Variants in ZFAND3 observed in about 807,000 individuals in gnomAD.
The protein encoded by ZFAND3 is AN1-type zinc finger protein 3.
In ZFAND3, 10 loss-of-function variants were observed where a neutral mutation model predicts 29.6. The ratio of observed to expected loss-of-function variants is 0.34; its 90% CI spans 0.21 to 0.57. The LOEUF (loss-of-function observed/expected upper bound fraction) is 0.57. Ranked by LOEUF, ZFAND3 falls within the 20% of genes least tolerant of loss-of-function variation. The probability of loss-of-function intolerance (pLI) is 0.86; values close to 1 mark genes in which losing one functional copy is unlikely to be tolerated. For missense variants in ZFAND3, 230 were observed against 304.5 expected (o/e 0.76, Z 1.82); for synonymous variants, 128 against 112.6 (o/e 1.14, Z -0.87).
intron 2 of ZFAND3, among the ~76,000 whole-genome samples, chr6:38,019,986 C>A (rs1763319328): frequency 6.6e-6 from 1 of 152,214 alleles, no homozygotes; most frequent in African/African-American, 2.4e-5. Context: ...TTCCAAAGTG[C>A]TGGGATTACA....
chr6:37,980,772 G>A (rs1461701006), intron 2 of ZFAND3, among the ~76,000 whole-genome samples: 1 of 152,124 alleles, frequency 6.6e-6, no homozygotes, highest in Non-Finnish European at 1.5e-5. Flanking sequence ...TAATCCTGCT[G>A]CAGTGTTATT....
At chr6:37,891,346 G>T (rs569471075) in intron 1 of ZFAND3, among the ~76,000 whole-genome samples, 2 of 149,426 alleles carry the variant, frequency 1.3e-5, no homozygotes, top group African/African-American at 5.0e-5. Context: ...TTGTTTCAAC[G>T]TAGAGCACCA....
At chr6:38,008,905 A>T (rs1763097678) in intron 2 of ZFAND3, among the ~76,000 whole-genome samples, 1 of 152,192 alleles carries the variant, frequency 6.6e-6, no homozygotes, top group African/African-American at 2.4e-5. Flanking sequence ...GGATATGTAA[A>T]TATATAATCA....
chr6:38,132,595 C>T (rs751651740), intron 5 of ZFAND3, among the ~76,000 whole-genome samples: 1 of 152,286 alleles, frequency 6.6e-6, no homozygotes, highest in East Asian at 1.9e-4. Flanking sequence ...AACAAACTTG[C>T]GATTCCTTGA....
intron 1 of ZFAND3, among the ~76,000 whole-genome samples, chr6:37,917,601 G>T (rs1761283734): frequency 6.6e-6 from 1 of 152,072 alleles, no homozygotes; most frequent in Non-Finnish European, 1.5e-5. Flanking sequence ...TTTTGCTGGG[G>T]GTTATAACCA....
intron 1 of ZFAND3, among the ~76,000 whole-genome samples, chr6:37,907,406 G>A (rs1478152522): frequency 6.6e-6 from 1 of 152,030 alleles, no homozygotes. Flanking sequence ...TTCTGTTCGC[G>A]CCCCTTGGTG....
chr6:37,954,053 T>G (rs1762044733), intron 2 of ZFAND3, among the ~76,000 whole-genome samples: 1 of 152,182 alleles, frequency 6.6e-6, no homozygotes, highest in South Asian at 2.1e-4. Context: ...CTCCACTGTT[T>G]TGTCACTTGA....
chr6:38,010,330 C>T (rs1561964980), intron 2 of ZFAND3, among the ~76,000 whole-genome samples: 1 of 152,114 alleles, frequency 6.6e-6, no homozygotes, highest in Non-Finnish European at 1.5e-5. Flanking sequence ...AGACAGTGGC[C>T]TCAGTTGGGA....
At chr6:37,905,152 G>A (rs1354462191) in intron 1 of ZFAND3, among the ~76,000 whole-genome samples, 3 of 152,060 alleles carry the variant, frequency 2.0e-5, no homozygotes, top group Admixed American at 6.6e-5. Flanking sequence ...CTATACTCTT[G>A]TACTCCAAAG....
rs922210313 is a variant in ZFAND3 at position 37,935,230 on chromosome 6, C to T, written c.112+5231C>T. On this transcript the variant is annotated intron_variant, in intron 2 of 5. Coordinates refer to ENST00000287218, the MANE Select transcript of ZFAND3 (RefSeq NM_021943.3). ...TTGAAAAGGATGGTATGTAAGCACC[C>T]TGGGACATGAGTTATCAATTGATTT... 2.6e-5 allele frequency among the ~76,000 whole-genome samples: 4 copies of T among 152,130 alleles called. 1 individual carries two copies. Among genetic ancestry groups the T allele is most frequent in the African/African-American group, 9.7e-5 (4 of 41,424 alleles).
At chr6:37,921,118 C>T (rs1001028213) in intron 1 of ZFAND3, among the ~76,000 whole-genome samples, 8 of 152,100 alleles carry the variant, frequency 5.3e-5, no homozygotes, top group African/African-American at 1.9e-4. Context: ...TGTCCTCTTA[C>T]CCATCCCTCC....
chr6:38,010,239 C>T (rs1561964938), intron 2 of ZFAND3, among the ~76,000 whole-genome samples: 1 of 152,134 alleles, frequency 6.6e-6, no homozygotes, highest in Non-Finnish European at 1.5e-5. Flanking sequence ...CATCAATGAA[C>T]CTAGCATGCA....
chr6:38,065,771 C>A (rs73419941), intron 3 of ZFAND3, among the ~76,000 whole-genome samples: 10,386 of 152,216 alleles, frequency 0.068, 426 homozygotes, highest in Non-Finnish European at 0.087. Context: ...GAAAATGCTA[C>A]CGAGGCTGTA....
chr6:37,859,448 TTGTC>T (rs1437185579), intron 1 of ZFAND3, among the ~76,000 whole-genome samples: 1 of 152,256 alleles, frequency 6.6e-6, no homozygotes, highest in Non-Finnish European at 1.5e-5. Flanking sequence ...GTAGCTATGA[TTGTC>T]TGTAGTTGTC....
intron 1 of ZFAND3, among the ~76,000 whole-genome samples, chr6:37,881,965 TGTC>T (rs1764904925): frequency 6.6e-6 from 1 of 152,174 alleles, no homozygotes; most frequent in African/African-American, 2.4e-5. Context: ...GAGCTCAGCA[TGTC>T]GTCTGTGTCA....
chr6:37,820,858 C>T (rs1047882859), intron 1 of ZFAND3, among the ~76,000 whole-genome samples: 1 of 152,184 alleles, frequency 6.6e-6, no homozygotes, highest in African/African-American at 2.4e-5. Flanking sequence ...GCTCCTCTTC[C>T]TCCCCCCATT....
At chr6:37,874,045 CATG>C (rs1184500556) in intron 1 of ZFAND3, among the ~76,000 whole-genome samples, 1 of 152,154 alleles carries the variant, frequency 6.6e-6, no homozygotes, top group Non-Finnish European at 1.5e-5. Context: ...TTTATTGTCT[CATG>C]ATTCTTTCTG....
chr6:38,116,531 C>G, intron 4 of ZFAND3, 41 bp from the exon 5 acceptor site: 1 of 1,575,178 alleles, frequency 6.3e-7, no homozygotes, highest in Non-Finnish European at 8.7e-7. Flanking sequence ...CTTGCCAGGC[C>G]AGGCACTAAT....
chr6:37,984,609 A>T (rs1762634825), intron 2 of ZFAND3, among the ~76,000 whole-genome samples: 1 of 152,258 alleles, frequency 6.6e-6, no homozygotes. Context: ...AAAGCAGTGT[A>T]TCAGTGCTAA....
Sources: gnomAD v4.1 joint callset for allele counts (sites outside exome capture counted in the v4.1 genomes callset) on GRCh38, gnomAD v4.1.1 for gene constraint, MANE v1.5 for transcripts, NCBI Gene and HGNC (gene_info 2026-07-23, HGNC 2026-07-21) for gene names.